Variants in ACSL4 observed in about 807,000 individuals in gnomAD.
The protein encoded by ACSL4 is acyl-CoA synthetase long chain family member 4, also known as long-chain-fatty-acid--CoA ligase 4.
ACSL4 carries 9 observed loss-of-function variants against 49.1 expected under a neutral mutation model. The ratio of observed to expected loss-of-function variants is 0.18; its 90% CI spans 0.11 to 0.32. The LOEUF is 0.32. Among genes scored for constraint, ACSL4 ranks in the 10% least tolerant of loss-of-function variants. ACSL4 has a pLI of 1.00. For missense variants in ACSL4, 333 were observed against 493.7 expected, an observed-to-expected ratio of 0.67 and a Z score of 3.08; for synonymous variants, 191 against 170.3, an observed-to-expected ratio of 1.12 and a Z score of -0.95.
Position 109,719,415 on chromosome X carries a change from A to G in ACSL4, c.-66+13724T>C, listed in dbSNP as rs779047177. On this transcript the variant is annotated intron_variant, in intron 1 of 15. Transcript: ENST00000672401. ...TACTGAGCTAGGATTCAAGGCAGCT[A>G]GCAGGGCTGATGCAAGTATCAACTC... Among the ~76,000 whole-genome samples, 14 of 112,015 alleles carry G rather than the reference A, an allele frequency of 1.2e-4. 3 individuals are homozygous for G. In the South Asian group the frequency reaches 1.5e-3, roughly 12 times the overall value.
At chrX:109,656,797 GA>G (rs370912273) in intron 15 of ACSL4, among the ~76,000 whole-genome samples, 1,362 of 96,882 alleles carry the variant, frequency 0.014, 32 homozygotes, top group African/African-American at 0.041. Context: ...TGGGAAAAAA[GA>G]AAAAAAAAAA....
At position 109,713,313 on chromosome X, in the gene ACSL4, A is replaced by C. The variant is rs144170773; in HGVS notation, c.-65-17117T>G. Among the ~76,000 whole-genome samples, 105 of 111,920 alleles carry C rather than the reference A, an allele frequency of 9.4e-4. 2 individuals are homozygous for C. The East Asian group carries it at 0.028, about 30-fold the overall frequency. Reference sequence around the variant, plus strand: ...TACTGACACACAGATGCAAGTCACTATAGTTAAAGTTCTCTGCATATGTCA... The same window carrying C: ...TACTGACACACAGATGCAAGTCACTCTAGTTAAAGTTCTCTGCATATGTCA... On this transcript the variant is annotated intron_variant, in intron 1 of 15. Transcript: ENST00000672401.
At chrX:109,663,733 C>A (rs978531362) in intron 12 of ACSL4, among the ~76,000 whole-genome samples, 1 of 111,168 alleles carries the variant, frequency 9.0e-6, no homozygotes, top group African/African-American at 3.3e-5. Context: ...ACACTTGAAG[C>A]TGTTATAAGT....
intron 1 of ACSL4, among the ~76,000 whole-genome samples, chrX:109,719,267 C>G (rs1485835399): frequency 9.0e-6 from 1 of 111,346 alleles, no homozygotes; most frequent in Non-Finnish European, 1.9e-5. Context: ...GGCATAGATG[C>G]AGGGTACCAC....
intron 1 of ACSL4, among the ~76,000 whole-genome samples, chrX:109,713,291 T>C (rs1357525343): frequency 1.8e-5 from 2 of 112,045 alleles, no homozygotes; most frequent in African/African-American, 6.5e-5. Context: ...TCTACCGTAC[T>C]GACACACAGA....
At chrX:109,648,569 T>C (rs1321985254) in intron 15 of ACSL4, among the ~76,000 whole-genome samples, 3 of 111,694 alleles carry the variant, frequency 2.7e-5, no homozygotes, top group Non-Finnish European at 3.8e-5. Flanking sequence ...GCCAACATTA[T>C]ACTGAATGGG....
chrX:109,646,545 C>T (rs1485407870), intron 15 of ACSL4, among the ~76,000 whole-genome samples: 6 of 103,924 alleles, frequency 5.8e-5, no homozygotes, highest in Admixed American at 1.0e-4. Context: ...AAGGAACAAC[C>T]GGTACCAGCC....
At chrX:109,687,041 T>A (rs1924670439) in intron 2 of ACSL4, among the ~76,000 whole-genome samples, 1 of 111,962 alleles carries the variant, frequency 8.9e-6, no homozygotes, top group Non-Finnish European at 1.9e-5. Flanking sequence ...TTCAGCTGAA[T>A]ATTTGAACCA....
chrX:109,727,664 T>TGC (rs1928113503), intron 1 of ACSL4, among the ~76,000 whole-genome samples: 2 of 18,532 alleles, frequency 1.1e-4, no homozygotes, highest in South Asian at 3.4e-3. Flanking sequence ...AAATTGTGTG[T>TGC]GTGTGTGTGT....
chrX:109,694,608 A>G (rs947375360), intron 2 of ACSL4, among the ~76,000 whole-genome samples: 2 of 112,177 alleles, frequency 1.8e-5, no homozygotes, highest in Admixed American at 9.5e-5. Context: ...CCATAATTTC[A>G]TGAGATAAAT....
At chrX:109,658,379 C>T (rs768706582) in intron 15 of ACSL4, among the ~76,000 whole-genome samples, 2 of 111,560 alleles carry the variant, frequency 1.8e-5, no homozygotes, top group African/African-American at 6.5e-5. Flanking sequence ...TCCAGTCCCC[C>T]TCAAATTCAT....
In ACSL4 at chrX:109,643,659, G is replaced by A. The variant is rs943236853; in HGVS notation, c.*370C>T. 1.1e-4 allele frequency: 17 copies of A among 158,056 alleles called. No individual in the cohort carries two copies. The highest frequency in any genetic ancestry group is 5.3e-4 in the African/African-American group (17 of 32,260). The allele number at this position is 158,056 out of a possible 1,213,427, so 13.0% of individuals were successfully genotyped here. A position where few individuals can be genotyped will look rare whatever the true frequency, so the allele number is the denominator to read the frequency against. ...TTAAACTTCTGAAATAGGAAGACAAGAGGCATTGGAAGCTGCAAATTTCCT... is the reference window on the plus strand; with the variant it reads ...TTAAACTTCTGAAATAGGAAGACAAAAGGCATTGGAAGCTGCAAATTTCCT... On this transcript the variant is annotated 3_prime_UTR_variant, in exon 16 of 16. Transcript: ENST00000672401.
intron 8 of ACSL4, among the ~76,000 whole-genome samples, chrX:109,677,509 T>C (rs1923811748): frequency 9.0e-6 from 1 of 111,034 alleles, no homozygotes; most frequent in Admixed American, 9.5e-5. Context: ...CTGGGCACAG[T>C]GGCTCACATC....
intron 1 of ACSL4, among the ~76,000 whole-genome samples, chrX:109,718,480 C>T (rs1927290151): frequency 3.6e-5 from 4 of 112,390 alleles, no homozygotes; most frequent in African/African-American, 1.3e-4. Context: ...GTCAGCCAGG[C>T]GCAGTGGCTT....
chrX:109,699,505 T>C (rs186313046), intron 1 of ACSL4, among the ~76,000 whole-genome samples: 297 of 112,447 alleles, frequency 2.6e-3, no homozygotes, highest in African/African-American at 9.0e-3. Context: ...TATTGGTTAA[T>C]AGTAGATTAA....
At chrX:109,725,678 T>TA (rs1270516395) in intron 1 of ACSL4, among the ~76,000 whole-genome samples, 6 of 110,024 alleles carry the variant, frequency 5.5e-5, no homozygotes, top group Non-Finnish European at 1.1e-4. Context: ...AGGTGGAGCT[T>TA]ACAGTGAGCC....
chrX:109,715,416 A>C (rs1309632913), intron 1 of ACSL4, among the ~76,000 whole-genome samples: 5 of 110,836 alleles, frequency 4.5e-5, no homozygotes, highest in Non-Finnish European at 9.4e-5. Flanking sequence ...AGGTGGGAGG[A>C]TCGCCTGAGG....
intron 2 of ACSL4, 69 bp downstream of exon 2, chrX:109,696,075 T>C (rs1344315118): frequency 8.9e-6 from 1 of 112,360 alleles, no homozygotes; most frequent in Non-Finnish European, 1.9e-5. Flanking sequence ...CCTGTTAGTG[T>C]GGGAACTTAA....
chrX:109,686,607 C>T (rs1924624124), intron 2 of ACSL4, among the ~76,000 whole-genome samples: 1 of 111,678 alleles, frequency 9.0e-6, no homozygotes, highest in African/African-American at 3.3e-5. Context: ...CAGAAAATAG[C>T]TTTTGAAGAG....
Sources: allele counts gnomAD v4.1 joint callset (sites outside exome capture counted in the v4.1 genomes callset), GRCh38; gene constraint gnomAD v4.1.1; transcripts MANE v1.5; gene names NCBI Gene and HGNC (gene_info 2026-07-23, HGNC 2026-07-21).